The following RIMS1 variants were observed in gnomAD, a reference collection of about 807,000 sequenced individuals.
RIMS1 encodes regulating synaptic membrane exocytosis 1.
Under a neutral mutation model 214.1 loss-of-function variants are expected in RIMS1, and 83 were observed. The ratio of observed to expected loss-of-function variants is 0.39; its 90% confidence interval spans 0.32 to 0.47. RIMS1 has a LOEUF of 0.47. Among genes scored for constraint, RIMS1 ranks in the 20% least tolerant of loss-of-function variants. RIMS1 has a pLI of 0.99. For missense variants in RIMS1, 2,050 were observed against 2,161.8 expected, an observed-to-expected ratio of 0.95 and a Z score of 1.03; for synonymous variants, 793 against 786.8, an observed-to-expected ratio of 1.01 and a Z score of -0.13.
At chr6:72,073,482 T>A (rs867942194) in intron 2 of RIMS1, among the ~76,000 whole-genome samples, 1 of 152,202 alleles carries the variant, frequency 6.6e-6, no homozygotes, top group Non-Finnish European at 1.5e-5. Context: ...TCAGTAAAGA[T>A]AAAAATACTT....
At chr6:72,098,604 A>G (rs1262917804) in intron 3 of RIMS1, among the ~76,000 whole-genome samples, 4 of 151,766 alleles carry the variant, frequency 2.6e-5, no homozygotes, top group Non-Finnish European at 4.4e-5. Context: ...CGATCAATAT[A>G]TCTTATACTT....
intron 1 of RIMS1, among the ~76,000 whole-genome samples, chr6:71,902,515 T>G (rs1773963848): frequency 6.6e-6 from 1 of 152,086 alleles, no homozygotes; most frequent in Admixed American, 6.6e-5. Context: ...ATTTCCTATG[T>G]ATGTGATCTT....
chr6:71,998,972 T>G (rs937503454), intron 2 of RIMS1, among the ~76,000 whole-genome samples: 5 of 152,148 alleles, frequency 3.3e-5, no homozygotes, highest in Non-Finnish European at 7.4e-5. Flanking sequence ...CTCATTTATT[T>G]TTATGTCTAT....
At chr6:71,926,469 G>T (rs963523693) in intron 1 of RIMS1, among the ~76,000 whole-genome samples, 1 of 152,144 alleles carries the variant, frequency 6.6e-6, no homozygotes, top group Non-Finnish European at 1.5e-5. Flanking sequence ...AAGTATGAAA[G>T]AATATAACAC....
intron 28 of RIMS1, chr6:72,316,672 T>C (rs2095816815): frequency 6.9e-6 from 4 of 578,968 alleles, no homozygotes; most frequent in Middle Eastern, 6.1e-4. Flanking sequence ...CCAAATGTCA[T>C]AGATGCTTTT....
At chr6:72,040,350 T>C (rs930564379) in intron 2 of RIMS1, among the ~76,000 whole-genome samples, 17 of 152,040 alleles carry the variant, frequency 1.1e-4, no homozygotes, top group African/African-American at 4.1e-4. Context: ...ACTTAATGAA[T>C]AGTAGTCACA....
chr6:71,990,918 A>G (rs1801399786), intron 2 of RIMS1, among the ~76,000 whole-genome samples: 2 of 152,166 alleles, frequency 1.3e-5, no homozygotes, highest in Admixed American at 1.3e-4. Context: ...GACCAGTCTT[A>G]TAAGGCTTCA....
intron 2 of RIMS1, among the ~76,000 whole-genome samples, chr6:71,988,955 C>T (rs1422112363): frequency 6.6e-6 from 1 of 152,132 alleles, no homozygotes; most frequent in African/African-American, 2.4e-5. Flanking sequence ...AATTTTTAAA[C>T]AACTTGTAAG....
chr6:72,337,116 G>A (rs1391429448), intron 29 of RIMS1, among the ~76,000 whole-genome samples: 1 of 151,776 alleles, frequency 6.6e-6, no homozygotes, highest in Non-Finnish European at 1.5e-5. Context: ...GTAAAGAATG[G>A]TAAATTTTAA....
At chr6:72,004,064 C>T (rs563392424) in intron 2 of RIMS1, among the ~76,000 whole-genome samples, 1 of 138,022 alleles carries the variant, frequency 7.2e-6, no homozygotes, top group African/African-American at 2.7e-5. Flanking sequence ...ATTACCCTTC[C>T]TGTGTCCATG....
intron 2 of RIMS1, among the ~76,000 whole-genome samples, chr6:72,080,000 G>T (rs1263285176): frequency 6.7e-6 from 1 of 148,490 alleles, no homozygotes; most frequent in African/African-American, 2.5e-5. Flanking sequence ...ACTTTGGGAG[G>T]CTGAGGCAGG....
intron 29 of RIMS1, among the ~76,000 whole-genome samples, chr6:72,358,542 G>C (rs1476069772): frequency 2.6e-5 from 4 of 152,122 alleles, no homozygotes; most frequent in African/African-American, 9.7e-5. Flanking sequence ...GAGATTACGT[G>C]GGGACAGAGA....
chr6:72,182,555 G>T lies in RIMS1; in HGVS notation c.1084G>T (p.Ala362Ser). The change falls in exon 6 of 34, where the codon GCT becomes TCT. Residue 362 changes from alanine (A) to serine (S), a missense_variant. Coordinates refer to ENST00000521978, the MANE Select transcript of RIMS1 (RefSeq NM_014989.7). ...CAGGTACCGCAGCGACCCGAACCTA[G>T]CTCGGTACCCGGTGAAACCGCCGCC... ...QTRYRSDPNLARYPVKPPPEE... is the reference protein window; with the variant it reads ...QTRYRSDPNLSRYPVKPPPEE... 1 of 1,551,432 alleles carries T rather than the reference G, an allele frequency of 6.4e-7. No homozygotes were observed. Among genetic ancestry groups the T allele is most frequent in the Non-Finnish European group, 8.7e-7 (1 of 1,148,208 alleles).
intron 1 of RIMS1, among the ~76,000 whole-genome samples, chr6:71,941,241 T>A (rs60015376): frequency 0.012 from 1,838 of 152,308 alleles, 46 homozygotes; most frequent in African/African-American, 0.042. Flanking sequence ...ATAAAAGTAT[T>A]GTACCTAAAC....
intron 7 of RIMS1, 96 bp from the exon 8 acceptor site, chr6:72,235,522 C>A: frequency 1.3e-6 from 1 of 757,632 alleles, no homozygotes; most frequent in Non-Finnish European, 2.3e-6. Flanking sequence ...GCAGTTCTAT[C>A]CATGTTACCT....
At chr6:72,141,799 G>C (rs1034884934) in intron 4 of RIMS1, among the ~76,000 whole-genome samples, 9 of 152,000 alleles carry the variant, frequency 5.9e-5, no homozygotes, top group African/African-American at 2.2e-4. Context: ...CACTAGACTT[G>C]GATTAAAGTG....
At chr6:72,116,762 A>G (rs1417228363) in intron 4 of RIMS1, among the ~76,000 whole-genome samples, 1 of 151,988 alleles carries the variant, frequency 6.6e-6, no homozygotes, top group Non-Finnish European at 1.5e-5. Context: ...TGTGTCATGA[A>G]ATATCAATTT....
At chr6:72,021,282 T>C (rs573709190) in intron 2 of RIMS1, among the ~76,000 whole-genome samples, 1 of 152,318 alleles carries the variant, frequency 6.6e-6, no homozygotes, top group African/African-American at 2.4e-5. Flanking sequence ...TGTACTGAAA[T>C]AAATTGTTGT....
At chr6:72,272,830 A>T (rs2084110762) in intron 22 of RIMS1, among the ~76,000 whole-genome samples, 1 of 152,164 alleles carries the variant, frequency 6.6e-6, no homozygotes, top group South Asian at 2.1e-4. Context: ...TGTCGTCGTA[A>T]TTCTTTTCCA....
Sources: allele counts gnomAD v4.1 joint callset (sites outside exome capture counted in the v4.1 genomes callset), GRCh38; gene constraint gnomAD v4.1.1; transcripts MANE v1.5; gene names NCBI Gene and HGNC (gene_info 2026-07-23, HGNC 2026-07-21).